Variants in RNF216 observed in about 807,000 individuals in gnomAD.
The protein encoded by RNF216 is ring finger protein 216, also known as E3 ubiquitin-protein ligase RNF216.
In RNF216, 72 loss-of-function variants were observed where a neutral mutation model predicts 110.8. The observed-to-expected ratio is 0.65, with a 90% CI of 0.54 to 0.79. RNF216 has a LOEUF of 0.79. RNF216 is among the 30% of genes least tolerant of loss of function. The pLI is 0.00. For missense variants in RNF216, 1,342 were observed against 1,141.2 expected (o/e 1.18, Z -2.54); for synonymous variants, 495 against 407.5 (o/e 1.21, Z -2.59).
At chr7:5,723,397 T>C (rs1432475038) in intron 8 of RNF216, among the ~76,000 whole-genome samples, 1 of 152,052 alleles carries the variant, frequency 6.6e-6, no homozygotes, top group Non-Finnish European at 1.5e-5. Flanking sequence ...GCCTGTAATC[T>C]CGCACTTTGG....
chr7:5,712,017 C>T (rs1463306762), intron 12 of RNF216, 178 bp from the exon 13 acceptor site: 1 of 597,264 alleles, frequency 1.7e-6, no homozygotes, highest in Non-Finnish European at 3.0e-6. Flanking sequence ...TGGCTCTTAT[C>T]AGGAAACATA....
intron 13 of RNF216, among the ~76,000 whole-genome samples, chr7:5,702,488 A>G (rs1386643661): frequency 6.6e-6 from 1 of 152,190 alleles, no homozygotes; most frequent in Non-Finnish European, 1.5e-5. Flanking sequence ...ATAATCACTG[A>G]AACAGCAAGC....
At chr7:5,776,628 G>C (rs1796793552) in intron 1 of RNF216, among the ~76,000 whole-genome samples, 3 of 146,938 alleles carry the variant, frequency 2.0e-5, no homozygotes, top group Admixed American at 1.4e-4. Context: ...TATAGGGGAA[G>C]GGCAGGTAGT....
rs200643372 is a variant in RNF216 at position 5,738,087 on chromosome 7, C to CAAAAAAAA, written c.1121+1181_1121+1188dup. 8.4e-4 allele frequency among the ~76,000 whole-genome samples: 93 copies of CAAAAAAAA among 110,964 alleles called. 1 individual carries two copies. The highest frequency in any genetic ancestry group is 3.3e-3 in the African/African-American group (83 of 25,262). 72.8% of individuals were successfully genotyped at this position (110,964 alleles called of 152,430 possible). A position where few individuals can be genotyped will look rare whatever the true frequency, so the allele number is the denominator to read the frequency against. On this transcript the variant is annotated intron_variant, in intron 5 of 16. Transcript: ENST00000389902. Reference sequence around the variant, plus strand: ...CTGGGCAACAGAATAAGACTGTCTCCAAAAAAAAAAAAAAAAAAAAAAAAA... The same window carrying CAAAAAAAA: ...CTGGGCAACAGAATAAGACTGTCTCCAAAAAAAAAAAAAAAAAAAAAAAAAAAAAAAAA...
intron 14 of RNF216, among the ~76,000 whole-genome samples, chr7:5,651,590 G>C (rs942118993): frequency 1.3e-5 from 2 of 152,018 alleles, no homozygotes; most frequent in Admixed American, 6.6e-5. Flanking sequence ...TGCATGGTAA[G>C]GCTAGATTGT....
chr7:5,668,967 G>A (rs553705257), intron 13 of RNF216, among the ~76,000 whole-genome samples: 9 of 152,308 alleles, frequency 5.9e-5, no homozygotes, highest in South Asian at 2.1e-4. Context: ...TTATCCAGCC[G>A]AAATCTAGTC....
At chr7:5,777,105 G>A (rs1292285967) in intron 1 of RNF216, among the ~76,000 whole-genome samples, 1 of 152,082 alleles carries the variant, frequency 6.6e-6, no homozygotes, top group Non-Finnish European at 1.5e-5. Context: ...CACTACACGT[G>A]GAGGGAAAGA....
rs567154241 is a variant in RNF216, at chr7:5,687,051, C to T, written c.2061+24710G>A. On this transcript the variant is annotated intron_variant, in intron 13 of 16. Coordinates refer to ENST00000389902, the MANE Select transcript of RNF216 (RefSeq NM_207111.4). Reference sequence around the variant, plus strand: ...CTGATTATTCTAATTGGATTCATCACCACAGTCAAGTGAATGTTATAGAAA... The same window carrying T: ...CTGATTATTCTAATTGGATTCATCATCACAGTCAAGTGAATGTTATAGAAA... Among the ~76,000 whole-genome samples, 11 of 152,246 alleles carry T rather than the reference C, an allele frequency of 7.2e-5. No individual in the cohort carries two copies. In the South Asian group the frequency reaches 2.1e-3, roughly 29 times the overall value.
intron 8 of RNF216, 142 bp from the exon 9 acceptor site, chr7:5,721,314 T>C: frequency 1.4e-6 from 1 of 739,096 alleles, no homozygotes; most frequent in Non-Finnish European, 2.2e-6. Context: ...ATTCTACCAT[T>C]TGGGAAGACT....
intron 13 of RNF216, among the ~76,000 whole-genome samples, chr7:5,704,142 A>G (rs1167716906): frequency 3.3e-5 from 5 of 152,252 alleles, no homozygotes; most frequent in Non-Finnish European, 5.9e-5. Flanking sequence ...CATCAAAGAT[A>G]CAGTGTCTTA....
intron 1 of RNF216, among the ~76,000 whole-genome samples, chr7:5,771,577 A>C (rs1374950486): frequency 6.6e-6 from 1 of 152,056 alleles, no homozygotes; most frequent in Non-Finnish European, 1.5e-5. Flanking sequence ...CAGGCAGATC[A>C]CTTGAGCTCA....
intron 10 of RNF216, among the ~76,000 whole-genome samples, chr7:5,716,476 G>T (rs1412964719): frequency 1.3e-5 from 2 of 151,976 alleles, no homozygotes; most frequent in African/African-American, 2.4e-5. Flanking sequence ...TGTATCTGAT[G>T]AATGTCAGGT....
At chr7:5,689,921 ACT>A (rs1207984702) in intron 13 of RNF216, among the ~76,000 whole-genome samples, 2 of 147,380 alleles carry the variant, frequency 1.4e-5, no homozygotes, top group Non-Finnish European at 3.0e-5. Flanking sequence ...AGCCTGGGTG[ACT>A]CTGTCTCAAA....
rs756296916 is a variant in RNF216 at position 5,621,761 on chromosome 7, AGAGT to A, written c.*1095_*1098del. 2 of 152,796 alleles carry A rather than the reference AGAGT, an allele frequency of 1.3e-5. No individual in the cohort carries two copies. Among genetic ancestry groups the A allele is most frequent in the Non-Finnish European group, 2.9e-5 (2 of 68,456 alleles). 9.5% of individuals were successfully genotyped at this position (152,796 alleles called of 1,614,324 possible). On this transcript the variant is annotated 3_prime_UTR_variant, in exon 17 of 17. Transcript: ENST00000389902. ...CAGACCTCTCATCTGTCAATGGGCC[AGAGT>A]GATGCCTCAGGCACCGCTAGAAACC...
rs191732600 is a variant in RNF216 at position 5,780,471 on chromosome 7, G to A, written c.-70+1070C>T. On this transcript the variant is annotated intron_variant, in intron 1 of 16. Transcript: ENST00000389902. ...TAGCACTTTGGGAGGCCGAGGCGGA[G>A]GGATCACCTGAGGTCAGACGTTAGA... 1.7e-3 allele frequency among the ~76,000 whole-genome samples: 252 copies of A among 152,258 alleles called. 2 individuals are homozygous for A. Among genetic ancestry groups the A allele is most frequent in the Admixed American group, 0.015 (227 of 15,278 alleles).
At chr7:5,732,024 T>A (rs902246461) in intron 5 of RNF216, among the ~76,000 whole-genome samples, 1 of 152,058 alleles carries the variant, frequency 6.6e-6, no homozygotes, top group Non-Finnish European at 1.5e-5. Flanking sequence ...ATACTCTTCA[T>A]CTCTAAGCTC....
At chr7:5,746,152 G>T (rs1425398593) in intron 3 of RNF216, among the ~76,000 whole-genome samples, 1 of 152,180 alleles carries the variant, frequency 6.6e-6, no homozygotes, top group Non-Finnish European at 1.5e-5. Context: ...AGTGTCGGAA[G>T]TCCTTCTCAG....
rs1794726009 is a variant in RNF216, at chr7:5,741,076, G to A, written c.941C>T (p.Ala314Val). The A allele has an allele frequency of 1.9e-6, 3 of 1,614,112 alleles. No individual in the cohort carries two copies. The highest frequency in any genetic ancestry group is 2.5e-6 in the Non-Finnish European group (3 of 1,180,038). Residue 314 changes from alanine (A) to valine (V), a missense_variant, in exon 4 of 17, where the codon GCC (alanine) becomes GTC (valine). Ala to Val is a moderately conservative substitution (Grantham distance 64). Transcript: ENST00000389902. ...LASDDEEPGP[A>V]FPMQESQEPN... is the part of the protein sequence containing the mutation. ...CTCTTGAGATTCTTGCATTGGAAAG[G>A]CTGGACCTGGCTCTTCATCATCACT...
At chr7:5,715,444 TA>T (rs1216694517) in intron 10 of RNF216, among the ~76,000 whole-genome samples, 4 of 152,216 alleles carry the variant, frequency 2.6e-5, no homozygotes, top group African/African-American at 7.2e-5. Flanking sequence ...AGTAATTCTT[TA>T]TATAAAGTTA....
Sources: gnomAD v4.1 joint callset for allele counts (sites outside exome capture counted in the v4.1 genomes callset) on GRCh38, gnomAD v4.1.1 for gene constraint, MANE v1.5 for transcripts, NCBI Gene and HGNC (gene_info 2026-07-23, HGNC 2026-07-21) for gene names.